The following ARL6IP6 variants were observed in gnomAD, a reference collection of about 807,000 sequenced individuals.
The protein encoded by ARL6IP6 is ADP-ribosylation factor-like protein 6-interacting protein 6.
ARL6IP6 carries 22 observed loss-of-function variants against 21.5 expected under a neutral mutation model. That is an observed-to-expected ratio of 1.02 (90% CI 0.73 to 1.46). The LOEUF (loss-of-function observed/expected upper bound fraction) is 1.46. Ranked by LOEUF, ARL6IP6 falls within the 40% of genes most tolerant of loss-of-function variation. ARL6IP6 has a pLI of 0.00. For missense variants in ARL6IP6, 388 were observed against 299.8 expected, an observed-to-expected ratio of 1.29 and a Z score of -2.17; for synonymous variants, 164 against 125.3, an observed-to-expected ratio of 1.31 and a Z score of -2.06.
In ARL6IP6 at chr2:152,762,019, C is replaced by T. The variant is rs1701867489; in HGVS notation, c.*2179C>T. Among the ~76,000 whole-genome samples, 1 of 152,122 alleles carries T rather than the reference C, an allele frequency of 6.6e-6. No individual in the cohort carries two copies. Among genetic ancestry groups the T allele is most frequent in the Admixed American group, 6.5e-5 (1 of 15,268 alleles). On this transcript the variant is annotated 3_prime_UTR_variant, in exon 4 of 4. Transcript: ENST00000326446. ...CTCCCCTTTTTTGGGAAATGACCCT[C>T]CTCTCTCCAGTCTGACACAGGGTCC...
At chr2:152,737,826 A>T (rs948821228) in intron 3 of ARL6IP6, among the ~76,000 whole-genome samples, 1 of 152,024 alleles carries the variant, frequency 6.6e-6, no homozygotes, top group African/African-American at 2.4e-5. Context: ...GCACAGCCAA[A>T]CCATGTCATT....
At chr2:152,729,625 C>G (rs1700208871) in intron 2 of ARL6IP6, among the ~76,000 whole-genome samples, 1 of 151,902 alleles carries the variant, frequency 6.6e-6, no homozygotes, top group Admixed American at 6.6e-5. Context: ...TAGGAAAGGT[C>G]TCCAGAATAT....
chr2:152,741,697 G>T (rs1007238684), intron 3 of ARL6IP6, among the ~76,000 whole-genome samples: 5 of 152,074 alleles, frequency 3.3e-5, no homozygotes, highest in African/African-American at 1.2e-4. Context: ...GTAAGCACAA[G>T]ATGTTTAGGA....
intron 2 of ARL6IP6, among the ~76,000 whole-genome samples, chr2:152,727,553 CTT>C (rs933429531): frequency 7.2e-5 from 11 of 152,200 alleles, no homozygotes; most frequent in African/African-American, 2.4e-4. Flanking sequence ...CAGAGCAACT[CTT>C]TGTCCTGTAA....
At chr2:152,727,620 T>G (rs1011851830) in intron 2 of ARL6IP6, among the ~76,000 whole-genome samples, 2 of 152,200 alleles carry the variant, frequency 1.3e-5, no homozygotes, top group African/African-American at 4.8e-5. Flanking sequence ...TCTTTTACAC[T>G]GTATTTTTAC....
intron 2 of ARL6IP6, among the ~76,000 whole-genome samples, chr2:152,729,361 T>TAC (rs1276597638): frequency 6.9e-6 from 1 of 145,776 alleles, no homozygotes; most frequent in Non-Finnish European, 1.5e-5. Context: ...TGTGTGTGTG[T>TAC]ACACACATAT....
rs113218221 is a variant in ARL6IP6 at position 152,759,887 on chromosome 2, T to G, written c.*47T>G. On this transcript the variant is annotated 3_prime_UTR_variant, in exon 4 of 4. Coordinates refer to ENST00000326446, the MANE Select transcript of ARL6IP6 (RefSeq NM_152522.7). ...TTGGCAAAACTTAATCATGATTGTT[T>G]TGTAATAACAAGAAGGAGCATCACT... The G allele has an allele frequency of 4.0e-6, 6 of 1,497,188 alleles. No homozygotes were observed. The Admixed American group carries it at 1.0e-4, about 25-fold the overall frequency. 92.7% of individuals were successfully genotyped at this position (1,497,188 alleles called of 1,614,324 possible).
chr2:152,720,059 A>G (rs1489304993), intron 1 of ARL6IP6: 7 of 417,228 alleles, frequency 1.7e-5, no homozygotes, highest in South Asian at 1.1e-4. Context: ...TTGGCTGCCA[A>G]TGTTTCATTT....
At chr2:152,719,390 C>A (rs994171322) in intron 1 of ARL6IP6, among the ~76,000 whole-genome samples, 1 of 152,178 alleles carries the variant, frequency 6.6e-6, no homozygotes, top group African/African-American at 2.4e-5. Flanking sequence ...AGGCCATGTT[C>A]AATGGCCTTC....
intron 3 of ARL6IP6, among the ~76,000 whole-genome samples, chr2:152,755,366 A>T (rs920738524): frequency 7.9e-5 from 12 of 152,004 alleles, no homozygotes; most frequent in African/African-American, 2.2e-4. Context: ...GGAGGGCCTG[A>T]CATCCGTCAG....
In ARL6IP6 at chr2:152,762,385, C is replaced by T. The variant is rs1163386879; in HGVS notation, c.*2545C>T. ...AGTCAATAAATTTCTGTCTTTTGGC[C>T]TTTGCAGTTTACATTGGCTTTTGTC... On this transcript the variant is annotated 3_prime_UTR_variant, in exon 4 of 4. Transcript: ENST00000326446. Among the ~76,000 whole-genome samples, 1 of 152,156 alleles carries T rather than the reference C, an allele frequency of 6.6e-6. No individual in the cohort carries two copies. The highest frequency in any genetic ancestry group is 1.5e-5 in the Non-Finnish European group (1 of 68,018).
At chr2:152,747,743 G>A (rs541409459) in intron 3 of ARL6IP6, among the ~76,000 whole-genome samples, 24 of 152,018 alleles carry the variant, frequency 1.6e-4, no homozygotes, top group Admixed American at 1.1e-3. Context: ...CTAAGTTTTT[G>A]TATTTTTAGT....
chr2:152,741,632 A>G (rs1203358385), intron 3 of ARL6IP6, among the ~76,000 whole-genome samples: 1 of 152,136 alleles, frequency 6.6e-6, no homozygotes, highest in Non-Finnish European at 1.5e-5. Context: ...CTTTATTCAA[A>G]TTTTTTATGT....
chr2:152,727,358 AGTT>A (rs886341098), intron 2 of ARL6IP6, among the ~76,000 whole-genome samples: 94 of 152,364 alleles, frequency 6.2e-4, no homozygotes, highest in African/African-American at 2.2e-3. Context: ...AAAAGGGTAA[AGTT>A]AAATTTTAAA....
chr2:152,749,784 G>A (rs2105173002), intron 3 of ARL6IP6, among the ~76,000 whole-genome samples: 1 of 152,252 alleles, frequency 6.6e-6, no homozygotes, highest in South Asian at 2.1e-4. Context: ...GTACTTCATT[G>A]TAGAATTTTT....
At chr2:152,725,591 A>T (rs1168959169) in intron 2 of ARL6IP6, among the ~76,000 whole-genome samples, 1 of 152,238 alleles carries the variant, frequency 6.6e-6, no homozygotes, top group African/African-American at 2.4e-5. Flanking sequence ...CTTTTCGTCA[A>T]AATAAGCCAT....
chr2:152,718,498 T>G, upstream of ARL6IP6: 1 of 1,360,118 alleles, frequency 7.4e-7, no homozygotes. Flanking sequence ...ACCCTTGCTC[T>G]CCGTGGTTTA....
chr2:152,744,246 T>C (rs1360348014), intron 3 of ARL6IP6, among the ~76,000 whole-genome samples: 13 of 152,120 alleles, frequency 8.5e-5, no homozygotes, highest in Non-Finnish European at 4.4e-5. Flanking sequence ...CAAACAAAAT[T>C]ATTATATTTT....
At chr2:152,720,424 T>G (rs1699729156) in intron 1 of ARL6IP6, 109 bp from the exon 2 acceptor site, 1 of 1,048,216 alleles carries the variant, frequency 9.5e-7, no homozygotes, top group Admixed American at 2.0e-5. Context: ...ACCCAGTTCT[T>G]TGTGACTCCA....
Sources: gnomAD v4.1 joint callset for allele counts (sites outside exome capture counted in the v4.1 genomes callset) on GRCh38, gnomAD v4.1.1 for gene constraint, MANE v1.5 for transcripts, NCBI Gene and HGNC (gene_info 2026-07-23, HGNC 2026-07-21) for gene names.